The following SPOPL variants were observed in gnomAD, a reference collection of about 807,000 sequenced individuals.
SPOPL encodes speckle-type POZ protein-like.
SPOPL carries 23 observed loss-of-function variants against 53.8 expected under a neutral mutation model. The ratio of observed to expected loss-of-function variants is 0.43; its 90% CI spans 0.31 to 0.61. SPOPL has a LOEUF of 0.61. SPOPL is among the 20% of genes least tolerant of loss of function. The pLI, the probability that SPOPL is intolerant of heterozygous loss-of-function variation, is 0.12. For missense variants in SPOPL, 442 were observed against 466.9 expected, an observed-to-expected ratio of 0.95 and a Z score of 0.49; for synonymous variants, 164 against 149.7, an observed-to-expected ratio of 1.10 and a Z score of -0.70.
chr2:138,554,410 C>T, intron 5 of SPOPL: 3 of 1,190,672 alleles, frequency 2.5e-6, no homozygotes, highest in South Asian at 1.5e-5. Context: ...TTTGTTCCAC[C>T]CCGCTCACGG....
At chr2:138,567,258 C>A (rs1685679852) in intron 10 of SPOPL, among the ~76,000 whole-genome samples, 1 of 151,650 alleles carries the variant, frequency 6.6e-6, no homozygotes, top group South Asian at 2.1e-4. Context: ...AAACTAAATG[C>A]CGGAAATATT....
intron 1 of SPOPL, among the ~76,000 whole-genome samples, chr2:138,512,617 A>G (rs921671271): frequency 2.6e-5 from 4 of 152,252 alleles, no homozygotes; most frequent in Admixed American, 6.5e-5. Context: ...CCACAGTTCT[A>G]TAAAAATAAA....
At chr2:138,530,922 A>AGTGTGTGTGTGT (rs10673306) in intron 1 of SPOPL, among the ~76,000 whole-genome samples, 2,313 of 148,044 alleles carry the variant, frequency 0.016, 23 homozygotes, top group Non-Finnish European at 0.025. Flanking sequence ...CTGTAGAGTG[A>AGTGTGTGTGTGT]GTGTGTGTGT....
intron 1 of SPOPL, among the ~76,000 whole-genome samples, chr2:138,510,209 T>C (rs761083500): frequency 1.3e-5 from 2 of 152,206 alleles, no homozygotes; most frequent in Non-Finnish European, 2.9e-5. Flanking sequence ...TGTGTAGACA[T>C]AAGTTTTCAG....
chr2:138,568,892 T>G, intron 10 of SPOPL, 44 bp from the exon 11 acceptor site: 1 of 1,605,682 alleles, frequency 6.2e-7, no homozygotes, highest in Non-Finnish European at 8.5e-7. Flanking sequence ...TAGTGCATTT[T>G]GAAAAGTATT....
intron 1 of SPOPL, among the ~76,000 whole-genome samples, chr2:138,540,382 G>T (rs573629865): frequency 6.6e-6 from 1 of 152,172 alleles, no homozygotes; most frequent in Non-Finnish European, 1.5e-5. Context: ...CCATGAGCAT[G>T]GAATGTTCTT....
intron 1 of SPOPL, among the ~76,000 whole-genome samples, chr2:138,506,365 C>G (rs1173592697): frequency 6.6e-6 from 1 of 152,048 alleles, no homozygotes. Flanking sequence ...CATTTCAGAC[C>G]AGTAGCAAAA....
At chr2:138,529,079 T>C (rs1382438386) in intron 1 of SPOPL, among the ~76,000 whole-genome samples, 2 of 152,234 alleles carry the variant, frequency 1.3e-5, no homozygotes, top group African/African-American at 4.8e-5. Context: ...TCTGCAAAGT[T>C]GGCTGTGAAG....
chr2:138,533,719 A>C (rs1026042264), intron 1 of SPOPL, among the ~76,000 whole-genome samples: 1 of 152,142 alleles, frequency 6.6e-6, no homozygotes, highest in Non-Finnish European at 1.5e-5. Context: ...CATCATATAT[A>C]TAAAGTTGTT....
chr2:138,549,402 A>G (rs2104890628), intron 1 of SPOPL, among the ~76,000 whole-genome samples: 1 of 152,240 alleles, frequency 6.6e-6, no homozygotes, highest in African/African-American at 2.4e-5. Context: ...TTACACCTCC[A>G]GAGTGCACTA....
At chr2:138,552,737 G>C (rs1685340697) in intron 5 of SPOPL, 56 bp downstream of exon 5, 2 of 1,543,454 alleles carry the variant, frequency 1.3e-6, no homozygotes, top group East Asian at 2.3e-5. Flanking sequence ...TATGGCAAAA[G>C]TATAAACTGG....
chr2:138,511,352 C>T (rs1684318968), intron 1 of SPOPL, among the ~76,000 whole-genome samples: 1 of 152,090 alleles, frequency 6.6e-6, no homozygotes, highest in South Asian at 2.1e-4. Flanking sequence ...AGAGGGTATA[C>T]CAGGTGTATT....
intron 1 of SPOPL, among the ~76,000 whole-genome samples, chr2:138,527,893 G>C (rs1450554191): frequency 6.6e-6 from 1 of 152,194 alleles, no homozygotes; most frequent in South Asian, 2.1e-4. Context: ...GTGTCTCAAC[G>C]TGATGACTTC....
rs368500499 is a variant in SPOPL, at chr2:138,560,376, G to A, written c.715-429G>A. 3.9e-5 allele frequency among the ~76,000 whole-genome samples: 6 copies of A among 152,068 alleles called. No homozygotes were observed. The East Asian group carries it at 7.7e-4, about 20-fold the overall frequency. On this transcript the variant is annotated intron_variant, in intron 7 of 10. Coordinates refer to ENST00000280098, the MANE Select transcript of SPOPL (RefSeq NM_001001664.3). ...AACAAAGAAAGGGTTAATAGCCAGT[G>A]TCCTTTAGAATACTGGTCAGAAACT...
In SPOPL at chr2:138,559,213, A is replaced by G. The variant is rs1167319647; in HGVS notation, c.658+14A>G. On this transcript the variant is annotated intron_variant, in intron 6 of 10. Transcript: ENST00000280098. ...CTGTGCTTGCAGGTACTTTCTAGTTATGGGGTAATATAGTACATTTAAAAA... is the reference window on the plus strand; with the variant it reads ...CTGTGCTTGCAGGTACTTTCTAGTTGTGGGGTAATATAGTACATTTAAAAA... 6.2e-7 allele frequency: 1 copy of G among 1,611,444 alleles called. No individual in the cohort carries two copies. Among genetic ancestry groups the G allele is most frequent in the East Asian group, 2.2e-5 (1 of 44,760 alleles).
chr2:138,532,595 T>A (rs991144365), intron 1 of SPOPL, among the ~76,000 whole-genome samples: 1 of 134,620 alleles, frequency 7.4e-6, no homozygotes, highest in South Asian at 2.3e-4. Context: ...CCCGGCTAAT[T>A]TTTTTTTTTT....
At chr2:138,550,657 C>T in intron 3 of SPOPL, 53 bp downstream of exon 3, 6 of 1,558,668 alleles carry the variant, frequency 3.8e-6, no homozygotes, top group Non-Finnish European at 5.2e-6. Flanking sequence ...ATGTGATCAT[C>T]AGCTGCTCAT....
At chr2:138,514,159 G>A (rs905151554) in intron 1 of SPOPL, among the ~76,000 whole-genome samples, 1 of 152,160 alleles carries the variant, frequency 6.6e-6, no homozygotes, top group African/African-American at 2.4e-5. Context: ...GAGGACCTGC[G>A]CTGGGGTAAC....
At chr2:138,514,398 G>T (rs1684395275) in intron 1 of SPOPL, among the ~76,000 whole-genome samples, 1 of 152,200 alleles carries the variant, frequency 6.6e-6, no homozygotes, top group Non-Finnish European at 1.5e-5. Flanking sequence ...GAGCAGAGGG[G>T]TGACTTTGAA....
Sources: allele counts gnomAD v4.1 joint callset (sites outside exome capture counted in the v4.1 genomes callset), GRCh38; gene constraint gnomAD v4.1.1; transcripts MANE v1.5; gene names NCBI Gene and HGNC (gene_info 2026-07-23, HGNC 2026-07-21).